GARRE1: variants seen among roughly 807,000 people sequenced by gnomAD.
GARRE1 encodes granule associated Rac and RHOG effector 1, also known as granule associated Rac and RHOG effector protein 1.
GARRE1 carries 49 observed loss-of-function variants against 103.2 expected under a neutral mutation model. The observed-to-expected ratio is 0.47, with a 90% CI of 0.38 to 0.60. GARRE1 has a LOEUF of 0.60. Ranked by LOEUF, GARRE1 falls within the 20% of genes least tolerant of loss-of-function variation. GARRE1 has a pLI of 0.00. For synonymous variants in GARRE1, 505 were observed against 532.8 expected (o/e 0.95, Z 0.72); for missense variants, 1,199 against 1,370.5 (o/e 0.87, Z 1.98).
At chr19:34,346,845 T>G (rs1015529182) in intron 10 of GARRE1, among the ~76,000 whole-genome samples, 3 of 152,176 alleles carry the variant, frequency 2.0e-5, no homozygotes, top group Non-Finnish European at 4.4e-5. Context: ...CTCGAACTCC[T>G]GACCTCAGGT....
chr19:34,323,032 T>C (rs946281039), intron 3 of GARRE1, among the ~76,000 whole-genome samples: 9 of 125,504 alleles, frequency 7.2e-5, no homozygotes, highest in African/African-American at 2.8e-4. Context: ...TCTTTTTTTT[T>C]TTTTTTTTTT....
intron 3 of GARRE1, among the ~76,000 whole-genome samples, chr19:34,320,853 G>A (rs1165919432): frequency 6.7e-6 from 1 of 149,684 alleles, no homozygotes; most frequent in African/African-American, 2.5e-5. Flanking sequence ...CTTCCAAGTA[G>A]CTGGGACTAC....
At chr19:34,267,780 GT>G (rs942698745) in intron 1 of GARRE1, among the ~76,000 whole-genome samples, 216 of 133,306 alleles carry the variant, frequency 1.6e-3, no homozygotes, top group Admixed American at 1.6e-3. Flanking sequence ...TGGTTTTTTT[GT>G]TTTTTTTTTT....
intron 7 of GARRE1, among the ~76,000 whole-genome samples, chr19:34,331,072 G>A (rs953720725): frequency 1.3e-5 from 2 of 151,580 alleles, no homozygotes; most frequent in African/African-American, 4.8e-5. Context: ...GCTAATTTTT[G>A]TATTTTTTAG....
chr19:34,276,604 C>G (rs10416460), intron 1 of GARRE1, among the ~76,000 whole-genome samples: 14,453 of 152,154 alleles, frequency 0.095, 1,067 homozygotes, highest in African/African-American at 0.2. Flanking sequence ...TCTGGATAAT[C>G]CTGTTACCTG....
Position 34,308,575 on chromosome 19 carries a change from T to C in GARRE1, c.495+7607T>C, listed in dbSNP as rs563857100. Among the ~76,000 whole-genome samples, 39 of 152,318 alleles carry C rather than the reference T, an allele frequency of 2.6e-4. 1 individual carries two copies. Among genetic ancestry groups the C allele is most frequent in the Admixed American group, 1.2e-3 (19 of 15,298 alleles). On this transcript the variant is annotated intron_variant, in intron 2 of 13. Transcript: ENST00000299505. ...ATTTGGGTGATTCTGTAAATTTGCA[T>C]TGTGGTCAACAAACATGATTTACCA...
At chr19:34,307,649 ATACT>A (rs1450259899) in intron 2 of GARRE1, among the ~76,000 whole-genome samples, 6 of 34,724 alleles carry the variant, frequency 1.7e-4, no homozygotes, top group South Asian at 6.6e-4. Context: ...TTATATATAC[ATACT>A]TATATATACA....
chr19:34,294,688 G>A (rs1317620912), intron 1 of GARRE1, among the ~76,000 whole-genome samples: 3 of 151,492 alleles, frequency 2.0e-5, no homozygotes, highest in Non-Finnish European at 2.9e-5. Context: ...CCAATTTTTT[G>A]TTGAAAACTG....
At position 34,327,761 on chromosome 19, in the gene GARRE1, T is replaced by G. The variant is rs1298264753; in HGVS notation, c.847-10T>G. ...TACGATCTTGATTGTTAAAAATAAT[T>G]TATTTCCAGGCATATAAGATAGCTC... On this transcript the variant is annotated splice_polypyrimidine_tract_variant and intron_variant, in intron 4 of 13. Transcript: ENST00000299505. 4 of 1,603,724 alleles carry G rather than the reference T, an allele frequency of 2.5e-6. No homozygotes were observed. Among genetic ancestry groups the G allele is most frequent in the Non-Finnish European group, 3.4e-6 (4 of 1,173,330 alleles).
At chr19:34,271,189 G>A (rs1453672132) in intron 1 of GARRE1, among the ~76,000 whole-genome samples, 1 of 150,294 alleles carries the variant, frequency 6.7e-6, no homozygotes, top group Non-Finnish European at 1.5e-5. Flanking sequence ...GCTACTTAGA[G>A]TATGCTGTGC....
intron 1 of GARRE1, among the ~76,000 whole-genome samples, chr19:34,280,774 A>G (rs184696754): frequency 3.2e-4 from 49 of 152,224 alleles, no homozygotes; most frequent in African/African-American, 9.9e-4. Context: ...GTGTTATATG[A>G]GTTCCCTGCT....
chr19:34,255,073 C>T (rs1044634918), intron 1 of GARRE1, among the ~76,000 whole-genome samples: 5 of 151,970 alleles, frequency 3.3e-5, no homozygotes, highest in African/African-American at 9.7e-5. Context: ...GCGGCCCTCA[C>T]GCCATCCCGG....
rs2074220088 is a variant in GARRE1, at chr19:34,347,990, C to T, written c.2635C>T (p.Pro879Ser). 2 of 1,578,724 alleles carry T rather than the reference C, an allele frequency of 1.3e-6. No homozygotes were observed. Among genetic ancestry groups the T allele is most frequent in the South Asian group, 2.3e-5 (2 of 87,096 alleles). ...AGGCAACCCCCGGGGCAACTGGCCG[C>T]CTATGGATGACGCGCATCGGACCTG... Reference protein sequence around the residue: ...RPGNPRGNWPPMDDAHRTWPF... With the variant: ...RPGNPRGNWPSMDDAHRTWPF... Residue 879 changes from proline (P) to serine (S), a missense_variant, in exon 11 of 14, where the codon CCT becomes TCT. Pro to Ser is a moderately conservative substitution (Grantham distance 74). Transcript: ENST00000299505.
intron 3 of GARRE1, 139 bp from the exon 4 acceptor site, chr19:34,327,282 G>C (rs1356317371): frequency 4.0e-6 from 3 of 759,288 alleles, no homozygotes; most frequent in Non-Finnish European, 6.2e-6. Flanking sequence ...AAACAATCTA[G>C]AACTTCTAGT....
Position 34,330,197 on chromosome 19 carries a change from GT to G in GARRE1, c.1115del (p.Leu372TyrfsTer3). On this transcript the variant is annotated frameshift_variant, in exon 7 of 14. Coordinates refer to ENST00000299505, the MANE Select transcript of GARRE1 (RefSeq NM_014686.5). LOFTEE classifies it high-confidence loss of function. Reference sequence around the variant, plus strand: ...TTCTTATCAATCTATAGCATACAATGTTACAGCTGATGAAGGAGGCAGGCTG... The same window carrying G: ...TTCTTATCAATCTATAGCATACAATGTACAGCTGATGAAGGAGGCAGGCTG... The part of the protein sequence containing the change: ...DNLKLKTHTM[L>X]QLMKEAGCYN... The G allele has an allele frequency of 6.2e-7, 1 of 1,613,922 alleles. No homozygotes were observed.
chr19:34,317,517 C>G (rs935873786), intron 2 of GARRE1, among the ~76,000 whole-genome samples: 1 of 152,152 alleles, frequency 6.6e-6, no homozygotes, highest in East Asian at 1.9e-4. Context: ...GCTCACTCCC[C>G]CTCCCTGTGT....
chr19:34,341,030 C>T (rs1040385244), intron 9 of GARRE1, among the ~76,000 whole-genome samples: 1 of 152,320 alleles, frequency 6.6e-6, no homozygotes, highest in East Asian at 1.9e-4. Context: ...CTGCATCCCC[C>T]CACCACCTCC....
At chr19:34,298,009 A>C (rs1328081495) in intron 1 of GARRE1, among the ~76,000 whole-genome samples, 1 of 152,178 alleles carries the variant, frequency 6.6e-6, no homozygotes, top group Non-Finnish European at 1.5e-5. Flanking sequence ...AATTATGGTA[A>C]TTGGCCATAA....
At chr19:34,290,926 A>T (rs2073914289) in intron 1 of GARRE1, among the ~76,000 whole-genome samples, 2 of 71,906 alleles carry the variant, frequency 2.8e-5, no homozygotes, top group Admixed American at 2.5e-4. Flanking sequence ...TTTTTTTTTG[A>T]GACAGAGTCT....
Sources: allele counts gnomAD v4.1 joint callset (sites outside exome capture counted in the v4.1 genomes callset), GRCh38; gene constraint gnomAD v4.1.1; transcripts MANE v1.5; gene names NCBI Gene and HGNC (gene_info 2026-07-23, HGNC 2026-07-21).